Variants in SUPT16H observed in about 807,000 individuals in gnomAD.
SUPT16H encodes the protein FACT complex subunit SPT16.
In SUPT16H, 24 loss-of-function variants were observed where a neutral mutation model predicts 136.2. The observed-to-expected ratio is 0.18, with a 90% confidence interval of 0.13 to 0.25. The LOEUF (loss-of-function observed/expected upper bound fraction) is 0.25. SUPT16H is among the 10% of genes least tolerant of loss of function. SUPT16H has a pLI of 1.00. For missense variants in SUPT16H, 623 were observed against 1,270.2 expected (o/e 0.49, Z 7.74); for synonymous variants, 415 against 428.2 (o/e 0.97, Z 0.38).
chr14:21,360,293 G>A (rs1482819332), intron 18 of SUPT16H, 122 bp downstream of exon 18: 2 of 708,388 alleles, frequency 2.8e-6, no homozygotes. Context: ...CTCCCAAAGT[G>A]CTGGGATTGT....
chr14:21,370,503 G>A lies in SUPT16H; in HGVS notation c.331-15C>T, dbSNP rs1244083993. 1.9e-6 allele frequency: 3 copies of A among 1,612,968 alleles called. No homozygotes were observed. The highest frequency in any genetic ancestry group is 2.2e-5 in the East Asian group (1 of 44,872). ...TTACTTTCATTCTGTCAGTGTCATA[G>A]GGAAGAAAAGACACATATGTTTTAC... is the stretch of plus-strand genomic sequence containing the variant. On this transcript the variant is annotated splice_polypyrimidine_tract_variant and intron_variant, in intron 3 of 25. Coordinates refer to ENST00000216297, the MANE Select transcript of SUPT16H (RefSeq NM_007192.4).
chr14:21,354,596 TTTC>T lies in SUPT16H; in HGVS notation c.2661-59_2661-57del, dbSNP rs974557356. 27 of 1,589,160 alleles carry T rather than the reference TTTC, an allele frequency of 1.7e-5. No homozygotes were observed. The African/African-American group carries it at 3.5e-4, about 21-fold the overall frequency. On this transcript the variant is annotated intron_variant, in intron 22 of 25. Transcript: ENST00000216297. ...AATCTTCTGTATTTTCCATATATTC[TTTC>T]TTCTTTTTTTGAGACAGAGTCTTGC...
chr14:21,380,398 G>A (rs1475990060), intron 1 of SUPT16H, among the ~76,000 whole-genome samples: 3 of 148,904 alleles, frequency 2.0e-5, no homozygotes, highest in South Asian at 4.3e-4. Context: ...AGCCTCTGGA[G>A]TAGCTGGGAT....
rs1886710706 is a variant in SUPT16H at position 21,368,156 on chromosome 14, T to TG, written c.955+112dup. On this transcript the variant is annotated intron_variant, in intron 7 of 25. Transcript: ENST00000216297. ...CTGGTCTTGAACTCCTGGATTCAAGTGATCCTCCTGCCTCGGCCTCCCAGT... is the reference window on the plus strand; with the variant it reads ...CTGGTCTTGAACTCCTGGATTCAAGTGGATCCTCCTGCCTCGGCCTCCCAGT... 4.6e-6 allele frequency: 5 copies of TG among 1,089,388 alleles called. No individual in the cohort carries two copies. In the South Asian group the frequency reaches 6.4e-5, roughly 14 times the overall value. The allele number at this position is 1,089,388 out of a possible 1,614,324, so 67.5% of individuals were successfully genotyped here.
Position 21,370,367 on chromosome 14 carries a change from T to C in SUPT16H, c.452A>G (p.Asn151Ser), listed in dbSNP as rs1886759642. 6.2e-7 allele frequency: 1 copy of C among 1,612,848 alleles called. No individual in the cohort carries two copies. The highest frequency in any genetic ancestry group is 1.1e-5 in the South Asian group (1 of 90,934). Residue 151 changes from asparagine to serine, a missense_variant, in exon 4 of 26, where the codon AAT becomes AGT. Physicochemically the swap from Asn to Ser is conservative, Grantham distance 46. Transcript: ENST00000216297. ...AAAGCCTTCTTTGTTGAGGCAGTCA[T>C]TCCAGCTCTTCATGAACTCTCCAGG... The part of the protein sequence containing the change: ...KFPGEFMKSW[N>S]DCLNKEGFDK...
intron 20 of SUPT16H, 131 bp from the exon 21 acceptor site, chr14:21,358,133 C>CA (rs1886474675): frequency 2.2e-6 from 2 of 897,642 alleles, no homozygotes; most frequent in Non-Finnish European, 3.4e-6. Flanking sequence ...CCAGAGGAAG[C>CA]CTCTTAAGAG....
intron 21 of SUPT16H, 108 bp from the exon 22 acceptor site, chr14:21,357,474 G>T: frequency 2.5e-6 from 3 of 1,187,628 alleles, no homozygotes; most frequent in Non-Finnish European, 3.3e-6. Context: ...AACTTAAGCT[G>T]TTTTTTGGTT....
At chr14:21,354,274 A>G in intron 23 of SUPT16H, 137 bp downstream of exon 23, 1 of 1,005,916 alleles carries the variant, frequency 9.9e-7, no homozygotes, top group Non-Finnish European at 1.3e-6. Flanking sequence ...CAATTTGAAG[A>G]AACAATAATA....
rs757044451 is a variant in SUPT16H, at chr14:21,370,448, G to A, written c.371C>T (p.Ala124Val). The change falls in exon 4 of 26, where the codon GCC (alanine) becomes GTC (valine). Residue 124 changes from alanine (A) to valine (V), a missense_variant. Physicochemically the swap from Ala to Val is moderately conservative, Grantham distance 64. Transcript: ENST00000216297. ...NKSSFDKMIE[A>V]IKESKNGKKI... ...CTTGCCATTCTTGCTTTCTTTAATGGCTTCAATCATTTTGTCAAAGCTACT... is the reference window on the plus strand; with the variant it reads ...CTTGCCATTCTTGCTTTCTTTAATGACTTCAATCATTTTGTCAAAGCTACT... 9 of 1,613,854 alleles carry A rather than the reference G, an allele frequency of 5.6e-6. No homozygotes were observed. Among genetic ancestry groups the A allele is most frequent in the South Asian group, 1.1e-5 (1 of 91,058 alleles).
At chr14:21,353,856 G>T in intron 23 of SUPT16H, 24 bp from the exon 24 acceptor site, 1 of 1,591,710 alleles carries the variant, frequency 6.3e-7, no homozygotes, top group Non-Finnish European at 8.5e-7. Flanking sequence ...GCATAATACT[G>T]ATTTTTTTTT....
chr14:21,352,919 A>ACCC, intron 25 of SUPT16H, 101 bp from the exon 26 acceptor site: 1 of 1,499,010 alleles, frequency 6.7e-7, no homozygotes. Context: ...TTGGAATCAG[A>ACCC]CCCAAGTTTT....
At chr14:21,378,797 CT>C (rs1474675328) in intron 1 of SUPT16H, among the ~76,000 whole-genome samples, 2 of 152,072 alleles carry the variant, frequency 1.3e-5, no homozygotes, top group East Asian at 3.8e-4. Context: ...GGATAGGTGA[CT>C]TTTTGTTTTA....
rs143833293 is a variant in SUPT16H at position 21,363,152 on chromosome 14, G to A, written c.1396-3C>T. ...TTCTCTTCTGCAGTCATTTCATTCT[G>A]GTGAATGGAAAATCCAATTTATCAC... On this transcript the variant is annotated splice_polypyrimidine_tract_variant and splice_region_variant and intron_variant, in intron 12 of 25. Coordinates refer to ENST00000216297, the MANE Select transcript of SUPT16H (RefSeq NM_007192.4). 2.8e-4 allele frequency: 451 copies of A among 1,613,610 alleles called. 3 individuals carry two copies. The highest frequency in any genetic ancestry group is 6.9e-4 in the South Asian group (63 of 91,066).
intron 1 of SUPT16H, chr14:21,383,550 G>A: frequency 3.0e-6 from 2 of 674,226 alleles, no homozygotes; most frequent in South Asian, 3.2e-5. Flanking sequence ...AGCAAGACGT[G>A]ACCACGGAGT....
Position 21,373,410 on chromosome 14 carries a change from G to A in SUPT16H, c.87C>T (p.Ala29=), listed in dbSNP as rs201110511. The change falls in exon 2 of 26, where the codon GCC becomes GCT. Residue 29 remains alanine, a synonymous_variant. Coordinates refer to ENST00000216297, the MANE Select transcript of SUPT16H (RefSeq NM_007192.4). ...SNWRKGEDEY[A]NVDAIVVSVG... ...CTGATACAACAATGGCATCAACGTT[G>A]GCATACTCATCTTCTCCTTTCTGAA... 4.5e-5 allele frequency: 73 copies of A among 1,613,950 alleles called. No individual in the cohort carries two copies. The East Asian group carries it at 1.5e-3, about 34-fold the overall frequency.
chr14:21,371,645 T>TA (rs1886786891), intron 3 of SUPT16H, among the ~76,000 whole-genome samples: 2 of 152,222 alleles, frequency 1.3e-5, no homozygotes, highest in African/African-American at 4.8e-5. Context: ...AATGGAGACA[T>TA]AAAATCAGTG....
chr14:21,366,568 T>C, intron 7 of SUPT16H, 39 bp from the exon 8 acceptor site: 1 of 1,580,986 alleles, frequency 6.3e-7, no homozygotes, highest in Non-Finnish European at 8.6e-7. Context: ...AAGTATCTTT[T>C]AGGAAAAAAA....
chr14:21,353,656 G>T, intron 24 of SUPT16H, 47 bp downstream of exon 24: 1 of 1,604,504 alleles, frequency 6.2e-7, no homozygotes, highest in Non-Finnish European at 8.5e-7. Flanking sequence ...TTTCAGAAAT[G>T]ACATTAGATT....
At chr14:21,369,604 T>C in intron 5 of SUPT16H, 146 bp downstream of exon 5, 1 of 1,145,262 alleles carries the variant, frequency 8.7e-7, no homozygotes, top group East Asian at 2.4e-5. Flanking sequence ...CTTACCATTA[T>C]TTTGAAAGGG....
Sources: gnomAD v4.1 joint callset for allele counts (sites outside exome capture counted in the v4.1 genomes callset) on GRCh38, gnomAD v4.1.1 for gene constraint, MANE v1.5 for transcripts, NCBI Gene and HGNC (gene_info 2026-07-23, HGNC 2026-07-21) for gene names.